The following DNAJC1 variants were observed in gnomAD, a reference collection of about 807,000 sequenced individuals.
DNAJC1 encodes the protein DnaJ heat shock protein family (Hsp40) member C1, also known as dnaJ homolog subfamily C member 1.
In DNAJC1, 58 loss-of-function variants were observed where a neutral mutation model predicts 76.6. The observed-to-expected ratio is 0.76, with a 90% CI of 0.61 to 0.94. The LOEUF (loss-of-function observed/expected upper bound fraction) is 0.94, where lower values mean the gene tolerates loss of function less well. Among genes scored for constraint, DNAJC1 ranks in the 40% least tolerant of loss-of-function variants. The probability of loss-of-function intolerance (pLI) is 0.00; values close to 1 mark genes in which losing one functional copy is unlikely to be tolerated. For synonymous variants in DNAJC1, 258 were observed against 267.9 expected, an observed-to-expected ratio of 0.96 and a Z score of 0.36; for missense variants, 689 against 677.3, an observed-to-expected ratio of 1.02 and a Z score of -0.19.
intron 8 of DNAJC1, among the ~76,000 whole-genome samples, chr10:21,850,826 C>T (rs1240568862): frequency 2.0e-5 from 3 of 152,066 alleles, no homozygotes; most frequent in Admixed American, 1.3e-4. Context: ...AAGACAGACA[C>T]ATAGAACAAG....
chr10:21,907,220 T>C (rs1387840115), intron 6 of DNAJC1, among the ~76,000 whole-genome samples: 3 of 152,156 alleles, frequency 2.0e-5, no homozygotes. Flanking sequence ...CTCTACTTAA[T>C]CTGAGACTTT....
chr10:21,795,082 A>G (rs961224468), intron 9 of DNAJC1, among the ~76,000 whole-genome samples: 1 of 152,108 alleles, frequency 6.6e-6, no homozygotes, highest in African/African-American at 2.4e-5. Context: ...TGTCTAACCT[A>G]TATATAAAGA....
chr10:21,978,268 A>G (rs1037109892), intron 1 of DNAJC1, among the ~76,000 whole-genome samples: 18 of 152,192 alleles, frequency 1.2e-4, no homozygotes, highest in Non-Finnish European at 2.4e-4. Context: ...GAACAGAGGG[A>G]GAGAGAAACA....
intron 3 of DNAJC1, among the ~76,000 whole-genome samples, chr10:21,923,761 C>A (rs1196730464): frequency 6.6e-6 from 1 of 151,842 alleles, no homozygotes; most frequent in Admixed American, 6.6e-5. Context: ...GTTACATACT[C>A]ATTAGTGAGT....
chr10:21,769,876 G>C (rs1008021320), intron 9 of DNAJC1, among the ~76,000 whole-genome samples: 2 of 152,002 alleles, frequency 1.3e-5, no homozygotes, highest in African/African-American at 4.8e-5. Context: ...AGTAGAGATG[G>C]GGTTTCTCCA....
At chr10:21,761,905 T>A (rs904004895) in intron 10 of DNAJC1, among the ~76,000 whole-genome samples, 1 of 151,834 alleles carries the variant, frequency 6.6e-6, no homozygotes, top group Admixed American at 6.6e-5. Context: ...GAAAACACAA[T>A]TTTTTTTTAT....
At chr10:21,834,960 G>A (rs1346678120) in intron 8 of DNAJC1, among the ~76,000 whole-genome samples, 1 of 152,218 alleles carries the variant, frequency 6.6e-6, no homozygotes, top group Non-Finnish European at 1.5e-5. Context: ...GTCCCACTCT[G>A]ACACCTTTGA....
At chr10:21,784,282 C>T (rs1018039730) in intron 9 of DNAJC1, among the ~76,000 whole-genome samples, 1 of 152,102 alleles carries the variant, frequency 6.6e-6, no homozygotes, top group Non-Finnish European at 1.5e-5. Context: ...CTTATGCAGC[C>T]AACAGATGCA....
At chr10:21,898,194 C>T (rs987953489) in intron 7 of DNAJC1, among the ~76,000 whole-genome samples, 4 of 152,104 alleles carry the variant, frequency 2.6e-5, no homozygotes, top group African/African-American at 4.8e-5. Context: ...CTACAAAAGA[C>T]TGAAGAAATA....
At chr10:21,896,129 C>G (rs947891791) in intron 7 of DNAJC1, among the ~76,000 whole-genome samples, 2 of 152,146 alleles carry the variant, frequency 1.3e-5, no homozygotes, top group Non-Finnish European at 2.9e-5. Flanking sequence ...CTAGAGACAG[C>G]CCCAACTAGG....
intron 8 of DNAJC1, chr10:21,865,727 G>A (rs899217071): frequency 6.6e-6 from 1 of 151,932 alleles, no homozygotes; most frequent in Non-Finnish European, 1.5e-5. Context: ...TATATCATTG[G>A]TATATCAATA....
intron 11 of DNAJC1, among the ~76,000 whole-genome samples, chr10:21,757,973 C>T (rs114257530): frequency 0.011 from 1,664 of 152,326 alleles, 30 homozygotes; most frequent in African/African-American, 0.038. Flanking sequence ...CACATGAAGA[C>T]GTCTGCCTGT....
chr10:21,940,943 T>C (rs1049368842), intron 1 of DNAJC1, among the ~76,000 whole-genome samples: 2 of 151,674 alleles, frequency 1.3e-5, no homozygotes, highest in African/African-American at 2.4e-5. Flanking sequence ...AGTTTTATAA[T>C]AAAGAGATTT....
At chr10:21,855,409 C>T (rs1313206410) in intron 8 of DNAJC1, among the ~76,000 whole-genome samples, 1 of 152,056 alleles carries the variant, frequency 6.6e-6, no homozygotes, top group Non-Finnish European at 1.5e-5. Flanking sequence ...TGATAAATAT[C>T]TTTAATTCAA....
chr10:22,002,952 G>A (rs1315782786), intron 1 of DNAJC1, among the ~76,000 whole-genome samples: 1 of 152,148 alleles, frequency 6.6e-6, no homozygotes, highest in Non-Finnish European at 1.5e-5. Flanking sequence ...GGAGCAGAGA[G>A]AAGGCATCGC....
intron 8 of DNAJC1, among the ~76,000 whole-genome samples, chr10:21,872,871 T>C (rs1836126084): frequency 6.6e-6 from 1 of 152,122 alleles, no homozygotes; most frequent in Admixed American, 6.5e-5. Flanking sequence ...CATATTGTCT[T>C]ACACCCAATT....
intron 8 of DNAJC1, among the ~76,000 whole-genome samples, chr10:21,843,315 T>G (rs558108392): frequency 2.7e-4 from 41 of 152,240 alleles, no homozygotes; most frequent in African/African-American, 9.4e-4. Flanking sequence ...ATTTTTAAAT[T>G]CAAATCAAAG....
chr10:21,997,088 G>C (rs1018707516), intron 1 of DNAJC1, among the ~76,000 whole-genome samples: 1 of 152,100 alleles, frequency 6.6e-6, no homozygotes, highest in Admixed American at 6.5e-5. Context: ...GAGAAAGACT[G>C]AACTACACTC....
chr10:21,936,781 C>G (rs11012831), intron 1 of DNAJC1, among the ~76,000 whole-genome samples: 1 of 151,186 alleles, frequency 6.6e-6, no homozygotes, highest in Non-Finnish European at 1.5e-5. Flanking sequence ...ATATAAAGAT[C>G]TACAGTAAAA....
Sources: allele counts gnomAD v4.1 joint callset (sites outside exome capture counted in the v4.1 genomes callset), GRCh38; gene constraint gnomAD v4.1.1; transcripts MANE v1.5; gene names NCBI Gene and HGNC (gene_info 2026-07-23, HGNC 2026-07-21).